The following CEMIP variants were observed in gnomAD, a reference collection of about 807,000 sequenced individuals.
CEMIP encodes the protein cell migration inducing hyaluronidase 1.
In CEMIP, 105 loss-of-function variants were observed where a neutral mutation model predicts 156.9. That is an observed-to-expected ratio of 0.67 (90% confidence interval 0.57 to 0.79). The LOEUF is 0.79. Ranked by LOEUF, CEMIP falls within the 30% of genes least tolerant of loss-of-function variation. CEMIP has a pLI of 0.00. For missense variants in CEMIP, 1,457 were observed against 1,769.4 expected (o/e 0.82, Z 3.17); for synonymous variants, 676 against 668.4 (o/e 1.01, Z -0.17).
intron 14 of CEMIP, among the ~76,000 whole-genome samples, chr15:80,910,690 G>A (rs1900017275): frequency 6.6e-6 from 1 of 152,164 alleles, no homozygotes; most frequent in Non-Finnish European, 1.5e-5. Context: ...TGGGACCTTG[G>A]GCAAGTAGCT....
chr15:80,840,112 AG>A (rs1194257370), intron 1 of CEMIP, among the ~76,000 whole-genome samples: 3 of 152,200 alleles, frequency 2.0e-5, no homozygotes, highest in Non-Finnish European at 4.4e-5. Flanking sequence ...GAAAGTGGAA[AG>A]GGGGGTGTCT....
chr15:80,873,579 A>G lies in CEMIP; in HGVS notation c.-134A>G, dbSNP rs930319675. 3 of 414,778 alleles carry G rather than the reference A, an allele frequency of 7.2e-6. No homozygotes were observed. The highest frequency in any genetic ancestry group is 3.8e-5 in the Admixed American group (1 of 26,504). The allele number at this position is 414,778 out of a possible 1,614,324, so 25.7% of individuals were successfully genotyped here. A position where few individuals can be genotyped will look rare whatever the true frequency, so the allele number is the denominator to read the frequency against. On this transcript the variant is annotated 5_prime_UTR_variant, in exon 2 of 30. Transcript: ENST00000394685. Reference sequence around the variant, plus strand: ...GGAGGGGAAGGAGTTTTGAGTGCCAAGGATGAAATTCCACCCATCACTCGG... The same window carrying G: ...GGAGGGGAAGGAGTTTTGAGTGCCAGGGATGAAATTCCACCCATCACTCGG...
At chr15:80,928,835 C>T in intron 19 of CEMIP, 67 bp from the exon 20 acceptor site, 1 of 1,598,386 alleles carries the variant, frequency 6.3e-7, no homozygotes, top group Admixed American at 1.7e-5. Flanking sequence ...AAGTGTCCTT[C>T]TCTCCACGAC....
chr15:80,895,967 G>A lies in CEMIP; in HGVS notation c.1318G>A (p.Val440Ile). ...GTCATGGAAACCTGGAGATACCCTG[G>A]TCATTGCCAGTACTGATTACTCCAT... ...VQSWKPGDTL[V>I]IASTDYSMYQ... Residue 440 changes from valine (V) to isoleucine (I), a missense_variant, in exon 12 of 30, where the codon GTC becomes ATC. By Grantham distance (29) the Val-to-Ile change is conservative (BLOSUM62 3). This residue lies in a region of CEMIP where 280 missense variants were observed against 300.3 expected (regional missense o/e 0.93). Transcript: ENST00000394685. 6.2e-7 allele frequency: 1 copy of A among 1,614,154 alleles called. No homozygotes were observed. Among genetic ancestry groups the A allele is most frequent in the Non-Finnish European group, 8.5e-7 (1 of 1,180,016 alleles).
intron 1 of CEMIP, among the ~76,000 whole-genome samples, chr15:80,790,380 G>A (rs1241069994): frequency 1.3e-5 from 2 of 152,176 alleles, no homozygotes; most frequent in East Asian, 1.9e-4. Context: ...TCAGAGGTCT[G>A]TACTCCTGTG....
At chr15:80,809,042 G>GTCA (rs1413141173) in intron 1 of CEMIP, among the ~76,000 whole-genome samples, 1 of 152,150 alleles carries the variant, frequency 6.6e-6, no homozygotes, top group African/African-American at 2.4e-5. Flanking sequence ...CCTACTTGTG[G>GTCA]TCAGATGTGG....
intron 12 of CEMIP, among the ~76,000 whole-genome samples, chr15:80,904,067 T>C (rs575552695): frequency 4.9e-4 from 74 of 152,320 alleles, no homozygotes; most frequent in African/African-American, 1.7e-3. Context: ...GTCAGAACCC[T>C]GGATGAAACC....
Position 80,840,654 on chromosome 15 carries a change from C to G in CEMIP, c.-175-32884C>G, listed in dbSNP as rs567250173. ...GCCACACTGCTGGACTGCTGGGTGT[C>G]CCTGGCCCGAGGCGTGGGAGGCCGG... On this transcript the variant is annotated intron_variant, in intron 1 of 29. Coordinates refer to ENST00000394685, the MANE Select transcript of CEMIP (RefSeq NM_001293298.2). Among the ~76,000 whole-genome samples the G allele has an allele frequency of 3.2e-4, 49 of 152,298 alleles. 1 individual carries two copies. The South Asian group carries it at 9.9e-3, about 31-fold the overall frequency.
chr15:80,879,081 A>C (rs767702738), intron 4 of CEMIP, among the ~76,000 whole-genome samples: 5 of 152,238 alleles, frequency 3.3e-5, no homozygotes, highest in Admixed American at 6.5e-5. Flanking sequence ...ACTTATCGAG[A>C]AAACTCCTTA....
chr15:80,788,875 A>G (rs74635868), intron 1 of CEMIP, among the ~76,000 whole-genome samples: 1 of 152,012 alleles, frequency 6.6e-6, no homozygotes, highest in East Asian at 1.9e-4. Context: ...ATTAGACACA[A>G]GGAAACATAA....
Position 80,821,455 on chromosome 15 carries a change from G to A in CEMIP, c.-176+41841G>A, listed in dbSNP as rs540133004. On this transcript the variant is annotated intron_variant, in intron 1 of 29. Transcript: ENST00000394685. ...CTAGGAAGATAGTTCTGGCAACTAC[G>A]TGGATTGGGTAGAAGCAGGTAGATA... Among the ~76,000 whole-genome samples the A allele has an allele frequency of 5.9e-5, 9 of 152,324 alleles. No individual in the cohort carries two copies. The East Asian group carries it at 7.7e-4, about 13-fold the overall frequency.
At chr15:80,849,857 C>T (rs971579689) in intron 1 of CEMIP, among the ~76,000 whole-genome samples, 1 of 152,162 alleles carries the variant, frequency 6.6e-6, no homozygotes, top group Non-Finnish European at 1.5e-5. Context: ...GACAGAGATG[C>T]TCAAGGATGA....
chr15:80,921,516 G>T (rs115109949), intron 16 of CEMIP, among the ~76,000 whole-genome samples: 23 of 152,316 alleles, frequency 1.5e-4, no homozygotes, highest in African/African-American at 5.1e-4. Flanking sequence ...GGTTAGGAGA[G>T]CTGACATGCC....
Position 80,925,609 on chromosome 15 carries a change from A to G in CEMIP, c.2289-15A>G. The stretch of plus-strand genomic sequence containing the variant: ...CAACACCGCCACCTGTGCCCTCCCC[A>G]TGGTTGTGCTGCAGATACAGCCCTC... On this transcript the variant is annotated splice_polypyrimidine_tract_variant and intron_variant, in intron 18 of 29. Coordinates refer to ENST00000394685, the MANE Select transcript of CEMIP (RefSeq NM_001293298.2). The G allele has an allele frequency of 6.2e-7, 1 of 1,611,244 alleles. No homozygotes were observed. Among genetic ancestry groups the G allele is most frequent in the Non-Finnish European group, 8.5e-7 (1 of 1,179,826 alleles).
chr15:80,922,234 G>A, intron 17 of CEMIP, 97 bp downstream of exon 17: 2 of 1,477,016 alleles, frequency 1.4e-6, no homozygotes, highest in Non-Finnish European at 1.9e-6. Context: ...GGCGACAGCT[G>A]GGAACAACTG....
intron 12 of CEMIP, among the ~76,000 whole-genome samples, chr15:80,905,316 G>C (rs1899751954): frequency 6.6e-6 from 1 of 152,252 alleles, no homozygotes; most frequent in African/African-American, 2.4e-5. Context: ...AAATGGAAGA[G>C]AAAGTATCCA....
At chr15:80,800,178 G>A (rs1252931751) in intron 1 of CEMIP, among the ~76,000 whole-genome samples, 1 of 151,930 alleles carries the variant, frequency 6.6e-6, no homozygotes, top group African/African-American at 2.4e-5. Flanking sequence ...CACCTGGCTG[G>A]AAATTTGTTA....
intron 1 of CEMIP, among the ~76,000 whole-genome samples, chr15:80,822,285 C>T (rs973585140): frequency 6.6e-6 from 1 of 152,172 alleles, no homozygotes; most frequent in Non-Finnish European, 1.5e-5. Context: ...CATGAGCCTC[C>T]CTGTTGCCTG....
At position 80,889,691 on chromosome 15, in the gene CEMIP, C is replaced by T. The variant is rs190002999; in HGVS notation, c.1086+99C>T. The T allele has an allele frequency of 5.0e-5, 74 of 1,491,570 alleles. 1 individual carries two copies. Among genetic ancestry groups the T allele is most frequent in the Middle Eastern group, 2.1e-4 (1 of 4,858 alleles). 92.4% of individuals were successfully genotyped at this position (1,491,570 alleles called of 1,614,324 possible). A position where few individuals can be genotyped will look rare whatever the true frequency, so the allele number is the denominator to read the frequency against. The stretch of plus-strand genomic sequence containing the variant: ...CTTGTCACTTGGGTGCTGTGATTCT[C>T]GTTGCCCTCCTGTGAGGTAGGTCAG... On this transcript the variant is annotated intron_variant, in intron 10 of 29. Transcript: ENST00000394685.
Sources: allele counts gnomAD v4.1 joint callset (sites outside exome capture counted in the v4.1 genomes callset), GRCh38; gene constraint gnomAD v4.1.1; regional missense constraint gnomAD v4.1.1; transcripts MANE v1.5; gene names NCBI Gene and HGNC (gene_info 2026-07-23, HGNC 2026-07-21).